NOXRED1: variants seen among roughly 807,000 people sequenced by gnomAD.
The protein encoded by NOXRED1 is NADP dependent oxidoreductase domain containing 1.
A neutral mutation model predicts 30.4 loss-of-function variants in NOXRED1; 20 were observed. The observed-to-expected ratio is 0.66, with a 90% CI of 0.46 to 0.96. The LOEUF (loss-of-function observed/expected upper bound fraction) is 0.96. Ranked by LOEUF, NOXRED1 falls within the 40% of genes least tolerant of loss-of-function variation. The pLI, the probability that NOXRED1 is intolerant of heterozygous loss-of-function variation, is 0.00. For missense variants in NOXRED1, 374 were observed against 428.0 expected (o/e 0.87, Z 1.11); for synonymous variants, 155 against 168.0 (o/e 0.92, Z 0.60).
intron 1 of NOXRED1, among the ~76,000 whole-genome samples, chr14:77,419,736 C>T (rs1226494838): frequency 6.6e-6 from 1 of 151,958 alleles, no homozygotes; most frequent in African/African-American, 2.4e-5. Context: ...GCGTGAGCCA[C>T]CACACCTGAC....
chr14:77,403,340 C>T (rs978925878), intron 5 of NOXRED1, among the ~76,000 whole-genome samples: 5 of 152,044 alleles, frequency 3.3e-5, no homozygotes, highest in African/African-American at 7.2e-5. Flanking sequence ...AATAGTATAA[C>T]GAAACTCCAT....
Position 77,422,955 on chromosome 14 carries a change from G to A in NOXRED1, c.-66C>T, listed in dbSNP as rs1895040899. Reference sequence around the variant, plus strand: ...TTTGGCTCCCTGTCCCGGTAGAAGAGGGGTCTATGTAGGAGGTGTGTGTAT... The same window carrying A: ...TTTGGCTCCCTGTCCCGGTAGAAGAAGGGTCTATGTAGGAGGTGTGTGTAT... On this transcript the variant is annotated 5_prime_UTR_variant, in exon 1 of 6. Coordinates refer to ENST00000380835, the MANE Select transcript of NOXRED1 (RefSeq NM_001113475.3). The A allele has an allele frequency of 2.9e-6, 4 of 1,390,382 alleles. No individual in the cohort carries two copies. The highest frequency in any genetic ancestry group is 2.9e-5 in the African/African-American group (2 of 69,994). 86.1% of individuals were successfully genotyped at this position (1,390,382 alleles called of 1,614,324 possible).
intron 3 of NOXRED1, 115 bp downstream of exon 3, chr14:77,407,350 T>A (rs1894495547): frequency 2.7e-6 from 2 of 746,916 alleles, no homozygotes; most frequent in South Asian, 1.7e-5. Flanking sequence ...TTCCTCCTTA[T>A]TACTGGAAAC....
intron 2 of NOXRED1, among the ~76,000 whole-genome samples, chr14:77,413,529 G>C (rs984955358): frequency 6.6e-6 from 1 of 151,972 alleles, no homozygotes; most frequent in South Asian, 2.1e-4. Context: ...GAGCCACCGC[G>C]CCCGACCACA....
intron 2 of NOXRED1, among the ~76,000 whole-genome samples, chr14:77,412,001 G>A (rs111548592): frequency 0.062 from 9,307 of 150,684 alleles, 346 homozygotes; most frequent in Middle Eastern, 0.096. Flanking sequence ...AGGCTGAGGC[G>A]GGAGAATCGC....
intron 1 of NOXRED1, among the ~76,000 whole-genome samples, chr14:77,419,062 TTCTTTCTC>T (rs1354812905): frequency 1.3e-5 from 2 of 148,340 alleles, no homozygotes; most frequent in African/African-American, 5.0e-5. Flanking sequence ...GGGAAGCTCT[TTCTTTCTC>T]TTTTTTTTTT....
intron 5 of NOXRED1, among the ~76,000 whole-genome samples, chr14:77,404,381 G>C (rs1214879593): frequency 6.6e-6 from 1 of 152,220 alleles, no homozygotes; most frequent in Admixed American, 6.5e-5. Flanking sequence ...CTAGGGTTCT[G>C]ACTTGAACAA....
chr14:77,410,082 C>T (rs557973361), intron 2 of NOXRED1, among the ~76,000 whole-genome samples: 1 of 151,716 alleles, frequency 6.6e-6, no homozygotes, highest in South Asian at 2.1e-4. Flanking sequence ...GGATTACCGG[C>T]ATGAGCCACC....
intron 1 of NOXRED1, among the ~76,000 whole-genome samples, chr14:77,416,757 C>T (rs1482962717): frequency 6.6e-6 from 1 of 152,212 alleles, no homozygotes; most frequent in Non-Finnish European, 1.5e-5. Flanking sequence ...CAGAGGGGCT[C>T]CTCACTTCCC....
At chr14:77,420,731 G>T (rs147975994) in intron 1 of NOXRED1, among the ~76,000 whole-genome samples, 4 of 152,148 alleles carry the variant, frequency 2.6e-5, no homozygotes, top group African/African-American at 9.6e-5. Context: ...TGGAATTTGG[G>T]CATTTGAAAA....
In NOXRED1 at chr14:77,395,886, TAAA is replaced by T. The variant is rs370533152; in HGVS notation, c.906-1084_906-1082del. On this transcript the variant is annotated intron_variant, in intron 5 of 5. Transcript: ENST00000380835. ...TATTAGTCTATAGTGTAATTCAAGT[TAAA>T]AAGCCTTAAGACATAGGGTTTCAAT... 5.0e-3 allele frequency among the ~76,000 whole-genome samples: 762 copies of T among 151,674 alleles called. 7 individuals are homozygous for T. The highest frequency in any genetic ancestry group is 0.018 in the African/African-American group (724 of 41,322).
chr14:77,400,986 A>G (rs995671598), intron 5 of NOXRED1, among the ~76,000 whole-genome samples: 8 of 152,208 alleles, frequency 5.3e-5, no homozygotes, highest in Admixed American at 2.0e-4. Context: ...CAATACTATA[A>G]AGATGCCAGT....
chr14:77,418,867 A>G (rs1894906196), intron 1 of NOXRED1, among the ~76,000 whole-genome samples: 4 of 151,964 alleles, frequency 2.6e-5, no homozygotes, highest in Admixed American at 2.6e-4. Context: ...ATTAAAAATG[A>G]TTTATGTGCC....
intron 1 of NOXRED1, among the ~76,000 whole-genome samples, chr14:77,419,070 C>CTTT (rs547826435): frequency 5.7e-5 from 8 of 139,226 alleles, no homozygotes; most frequent in African/African-American, 8.0e-5. Context: ...CTTTCTTTCT[C>CTTT]TTTTTTTTTT....
At chr14:77,421,356 A>C (rs1245005118) in intron 1 of NOXRED1, among the ~76,000 whole-genome samples, 1 of 152,154 alleles carries the variant, frequency 6.6e-6, no homozygotes, top group Non-Finnish European at 1.5e-5. Flanking sequence ...CAGAGTCTGG[A>C]GCTTCCTATT....
chr14:77,409,257 C>A (rs1422867839), intron 2 of NOXRED1, among the ~76,000 whole-genome samples: 1 of 152,068 alleles, frequency 6.6e-6, no homozygotes, highest in Non-Finnish European at 1.5e-5. Context: ...AATTGTACTC[C>A]CCACGTGTTG....
rs761302221 is a variant in NOXRED1 at position 77,406,628 on chromosome 14, CACACACAGAGAGAG to C, written c.682+82_682+95del. 4.3e-5 allele frequency: 18 copies of C among 415,906 alleles called. No homozygotes were observed. The African/African-American group carries it at 5.8e-4, about 13-fold the overall frequency. 25.8% of individuals were successfully genotyped at this position (415,906 alleles called of 1,614,324 possible). A position where few individuals can be genotyped will look rare whatever the true frequency, so the allele number is the denominator to read the frequency against. On this transcript the variant is annotated intron_variant, in intron 4 of 5. Coordinates refer to ENST00000380835, the MANE Select transcript of NOXRED1 (RefSeq NM_001113475.3). ...ACACACACACACACACACACACACA[CACACACAGAGAGAG>C]AGAGATTGATTTAATAAGATAGCAA...
chr14:77,415,650 A>G (rs1894795623), intron 1 of NOXRED1, among the ~76,000 whole-genome samples: 1 of 152,058 alleles, frequency 6.6e-6, no homozygotes, highest in South Asian at 2.1e-4. Flanking sequence ...AGACAGACAT[A>G]TAGATATAGT....
intron 1 of NOXRED1, among the ~76,000 whole-genome samples, chr14:77,421,725 A>C (rs1222153979): frequency 2.6e-5 from 4 of 152,228 alleles, no homozygotes; most frequent in Admixed American, 2.0e-4. Context: ...ACTTCTGAAT[A>C]CATAAGGTAT....
Sources: gnomAD v4.1 joint callset for allele counts (sites outside exome capture counted in the v4.1 genomes callset) on GRCh38, gnomAD v4.1.1 for gene constraint, MANE v1.5 for transcripts, NCBI Gene and HGNC (gene_info 2026-07-23, HGNC 2026-07-21) for gene names.